Variants in GTF2A2 observed in about 807,000 individuals in gnomAD.
The protein encoded by GTF2A2 is general transcription factor IIA subunit 2.
Under a neutral mutation model 14.3 loss-of-function variants are expected in GTF2A2, and 9 were observed. That is an observed-to-expected ratio of 0.63 (90% CI 0.38 to 1.10). The LOEUF (loss-of-function observed/expected upper bound fraction) is 1.10, where lower values mean the gene tolerates loss of function less well. GTF2A2 is among the 50% of genes least tolerant of loss of function. The pLI, the probability that GTF2A2 is intolerant of heterozygous loss-of-function variation, is 0.01. For synonymous variants in GTF2A2, 56 were observed against 46.0 expected, an observed-to-expected ratio of 1.22 and a Z score of -0.88; for missense variants, 90 against 124.6, an observed-to-expected ratio of 0.72 and a Z score of 1.32.
At chr15:59,657,362 C>G (rs763168222) in intron 1 of GTF2A2, 44 bp downstream of exon 1, 5 of 152,548 alleles carry the variant, frequency 3.3e-5, no homozygotes, top group Non-Finnish European at 7.3e-5. Flanking sequence ...GCAGGGAGCG[C>G]GGCCCTGCTT....
intron 4 of GTF2A2, among the ~76,000 whole-genome samples, chr15:59,640,841 AAAAGACCCAAATATTGTTCCTTGCTGT>A (rs1282092574): frequency 7.1e-6 from 1 of 141,358 alleles, no homozygotes; most frequent in African/African-American, 2.6e-5. Context: ...AGGAATTTAA[AAAAGACCCAAATATTGTTCCTTGCTGT>A]AATGACAAAG....
chr15:59,647,909 A>G (rs1032738356), intron 3 of GTF2A2, among the ~76,000 whole-genome samples: 8 of 152,212 alleles, frequency 5.3e-5, no homozygotes, highest in African/African-American at 1.9e-4. Context: ...AATGTTTGTT[A>G]CAGAAACATC....
At chr15:59,654,028 A>T (rs1891870589) in intron 1 of GTF2A2, among the ~76,000 whole-genome samples, 1 of 152,134 alleles carries the variant, frequency 6.6e-6, no homozygotes. Context: ...ATCTGTCACT[A>T]AAGTTAATGT....
chr15:59,638,322 A>G lies in GTF2A2; in HGVS notation c.*810T>C, dbSNP rs145665174. The G allele has an allele frequency of 6.6e-6, 1 of 152,204 alleles. No homozygotes were observed. The highest frequency in any genetic ancestry group is 1.5e-5 in the Non-Finnish European group (1 of 68,038). The allele number at this position is 152,204 out of a possible 1,614,324, so 9.4% of individuals were successfully genotyped here. ...TACTCCAATTGGGTCAATCCAGTTA[A>G]CCATGTAAGAAACTCCTCACCTAGG... On this transcript the variant is annotated 3_prime_UTR_variant, in exon 5 of 5. Coordinates refer to ENST00000396060, the MANE Select transcript of GTF2A2 (RefSeq NM_004492.3).
At chr15:59,650,943 A>C (rs12902582) in intron 2 of GTF2A2, among the ~76,000 whole-genome samples, 170 bp from the exon 3 acceptor site, 48,688 of 152,118 alleles carry the variant, frequency 0.32, 8,645 homozygotes, top group East Asian at 0.58. Context: ...AAGCTTGAAG[A>C]CATCTTTTGT....
In GTF2A2 at chr15:59,639,101, A is replaced by C; in HGVS notation, c.*31T>G. On this transcript the variant is annotated 3_prime_UTR_variant, in exon 5 of 5. Coordinates refer to ENST00000396060, the MANE Select transcript of GTF2A2 (RefSeq NM_004492.3). The stretch of plus-strand genomic sequence containing the variant: ...CTCTTCAAAAGCAATGAATAACAGA[A>C]GATGGTGTAAAAAAGTCATATTTTT... The C allele has an allele frequency of 8.0e-7, 1 of 1,249,190 alleles. No individual in the cohort carries two copies. The highest frequency in any genetic ancestry group is 1.2e-6 in the Non-Finnish European group (1 of 849,582). The allele number at this position is 1,249,190 out of a possible 1,614,324, so 77.4% of individuals were successfully genotyped here.
rs775590423 is a variant in GTF2A2 at position 59,639,148 on chromosome 15, G to A, written c.314C>T (p.Ser105Phe). 5 of 1,458,020 alleles carry A rather than the reference G, an allele frequency of 3.4e-6. No individual in the cohort carries two copies. Among genetic ancestry groups the A allele is most frequent in the African/African-American group, 2.9e-5 (2 of 70,046 alleles). 90.3% of individuals were successfully genotyped at this position (1,458,020 alleles called of 1,614,324 possible). Residue 105 changes from serine to phenylalanine, a missense_variant, in exon 5 of 5, where the codon TCC (serine) becomes TTC (phenylalanine). Physicochemically the swap from Ser to Phe is radical, Grantham distance 155. Coordinates refer to ENST00000396060, the MANE Select transcript of GTF2A2 (RefSeq NM_004492.3). ...TTTTTCTATTCATTCTGTAGTATTG[G>A]AGCCAGTATCTAGGAAACAAAAGAG... is the stretch of plus-strand genomic sequence containing the variant. ...IVACDGKNTG[S>F]NTTE is the part of the protein sequence containing the mutation.
intron 2 of GTF2A2, chr15:59,651,222 G>C (rs1206865050): frequency 2.0e-5 from 3 of 152,420 alleles, no homozygotes; most frequent in African/African-American, 7.4e-5. Flanking sequence ...TTGTTCCCCA[G>C]GCTGGAGTGC....
chr15:59,652,110 A>T lies in GTF2A2; in HGVS notation c.72+96T>A, dbSNP rs534592219. The T allele has an allele frequency of 1.7e-4, 121 of 731,900 alleles. 1 individual carries two copies. The highest frequency in any genetic ancestry group is 9.9e-4 in the South Asian group (60 of 60,480). 45.3% of individuals were successfully genotyped at this position (731,900 alleles called of 1,614,324 possible). Reference sequence around the variant, plus strand: ...GACTTGCTGGGTCAAATAGTCCAAGATATTTTACCTCATATCTCTTTGCCT... The same window carrying T: ...GACTTGCTGGGTCAAATAGTCCAAGTTATTTTACCTCATATCTCTTTGCCT... On this transcript the variant is annotated intron_variant, in intron 2 of 4. Transcript: ENST00000396060.
intron 3 of GTF2A2, among the ~76,000 whole-genome samples, chr15:59,649,074 C>A (rs1341489072): frequency 1.3e-5 from 2 of 152,192 alleles, no homozygotes; most frequent in African/African-American, 4.8e-5. Flanking sequence ...TAAATTTGAT[C>A]TAGCAAAATG....
chr15:59,640,205 T>C (rs1275686419), intron 4 of GTF2A2: 1 of 116,750 alleles, frequency 8.6e-6, no homozygotes, highest in Non-Finnish European at 1.9e-5. Context: ...ACTACTGCAA[T>C]AAACAAGGCC....
intron 3 of GTF2A2, 40 bp from the exon 4 acceptor site, chr15:59,642,302 T>G: frequency 1.3e-6 from 2 of 1,544,840 alleles, no homozygotes; most frequent in Non-Finnish European, 1.7e-6. Flanking sequence ...GAAACGTTTT[T>G]TCCCCTCACA....
At chr15:59,640,254 TCTTGTATAGTAAAGAGAAACACA>T (rs1279471530) in intron 4 of GTF2A2, 1 of 152,076 alleles carries the variant, frequency 6.6e-6, no homozygotes, top group African/African-American at 2.4e-5. Flanking sequence ...TGGAAAACAA[TCTTGTATAGTAAAGAGAAACACA>T]CTCTAAGGAC....
intron 1 of GTF2A2, among the ~76,000 whole-genome samples, chr15:59,656,040 G>A (rs1198664478): frequency 6.6e-6 from 1 of 152,250 alleles, no homozygotes; most frequent in African/African-American, 2.4e-5. Context: ...CTCACAGCCA[G>A]GGTGATCTTC....
intron 3 of GTF2A2, among the ~76,000 whole-genome samples, chr15:59,642,892 A>G (rs1437230550): frequency 1.3e-5 from 2 of 151,552 alleles, no homozygotes; most frequent in Middle Eastern, 3.5e-3. Flanking sequence ...TCAGCCTCCC[A>G]AGTAGCTGGG....
chr15:59,654,941 G>C (rs1376832840), intron 1 of GTF2A2, among the ~76,000 whole-genome samples: 1 of 152,166 alleles, frequency 6.6e-6, no homozygotes, highest in African/African-American at 2.4e-5. Flanking sequence ...TCATGTTGGT[G>C]CTCAAAGTTT....
At chr15:59,640,995 G>A (rs1277910570) in intron 4 of GTF2A2, among the ~76,000 whole-genome samples, 1 of 152,196 alleles carries the variant, frequency 6.6e-6, no homozygotes, top group African/African-American at 2.4e-5. Flanking sequence ...TAGGTTCAGA[G>A]ACTTTCTGAT....
intron 1 of GTF2A2, among the ~76,000 whole-genome samples, chr15:59,653,676 T>G (rs1267127562): frequency 6.6e-6 from 1 of 152,166 alleles, no homozygotes; most frequent in South Asian, 2.1e-4. Context: ...GTGATGACTC[T>G]CAAATTTGTA....
chr15:59,648,018 C>T (rs1452348957), intron 3 of GTF2A2, among the ~76,000 whole-genome samples: 3 of 152,108 alleles, frequency 2.0e-5, no homozygotes, highest in South Asian at 4.1e-4. Context: ...AATCTTTTAA[C>T]GCTTGTTAAT....
Sources: allele counts gnomAD v4.1 joint callset (sites outside exome capture counted in the v4.1 genomes callset), GRCh38; gene constraint gnomAD v4.1.1; transcripts MANE v1.5; gene names NCBI Gene and HGNC (gene_info 2026-07-23, HGNC 2026-07-21).